Variants in CDK14 observed in about 807,000 individuals in gnomAD.
CDK14 encodes the protein cyclin-dependent kinase 14.
A neutral mutation model predicts 60.7 loss-of-function variants in CDK14; 34 were observed. That is an observed-to-expected ratio of 0.56 (90% CI 0.43 to 0.75). The LOEUF is 0.75. CDK14 is among the 30% of genes least tolerant of loss of function. CDK14 has a pLI of 0.00. For missense variants in CDK14, 482 were observed against 564.1 expected (o/e 0.85, Z 1.47); for synonymous variants, 197 against 203.7 (o/e 0.97, Z 0.28).
chr7:90,653,237 C>T (rs1800682640), intron 2 of CDK14, among the ~76,000 whole-genome samples: 1 of 152,100 alleles, frequency 6.6e-6, no homozygotes, highest in South Asian at 2.1e-4. Flanking sequence ...CTCCTTTGAG[C>T]ACCCAGATTC....
At chr7:91,074,072 G>A (rs991660410) in intron 11 of CDK14, among the ~76,000 whole-genome samples, 2 of 151,962 alleles carry the variant, frequency 1.3e-5, no homozygotes, top group African/African-American at 4.8e-5. Flanking sequence ...TAACACCCCA[G>A]TGTCAATATT....
chr7:90,955,034 C>T (rs1260623874), intron 8 of CDK14, among the ~76,000 whole-genome samples: 1 of 151,470 alleles, frequency 6.6e-6, no homozygotes, highest in African/African-American at 2.4e-5. Flanking sequence ...TTAACATCTT[C>T]CCAGTTTAAA....
intron 11 of CDK14, among the ~76,000 whole-genome samples, chr7:91,046,959 G>T (rs117003416): frequency 6.6e-6 from 1 of 152,134 alleles, no homozygotes; most frequent in Non-Finnish European, 1.5e-5. Context: ...CTGAAAGTGC[G>T]CAGTGTGTTC....
intron 2 of CDK14, among the ~76,000 whole-genome samples, chr7:90,689,456 G>A (rs368741595): frequency 6.6e-6 from 1 of 152,102 alleles, no homozygotes; most frequent in African/African-American, 2.4e-5. Context: ...GAAAATGGAG[G>A]AGAGGGATAA....
intron 2 of CDK14, among the ~76,000 whole-genome samples, chr7:90,636,169 A>G (rs1027131303): frequency 1.3e-5 from 2 of 151,536 alleles, no homozygotes; most frequent in African/African-American, 4.9e-5. Context: ...TTCCAACACT[A>G]TGTTGAATAG....
intron 6 of CDK14, among the ~76,000 whole-genome samples, chr7:90,874,250 ATT>A (rs1791473900): frequency 6.6e-6 from 1 of 151,982 alleles, no homozygotes; most frequent in Non-Finnish European, 1.5e-5. Context: ...GAGGCATTGT[ATT>A]TTTGAAAATA....
intron 13 of CDK14, among the ~76,000 whole-genome samples, chr7:91,115,891 T>C (rs1157108943): frequency 6.6e-6 from 1 of 152,220 alleles, no homozygotes; most frequent in Non-Finnish European, 1.5e-5. Context: ...GGTTACATAG[T>C]ACCAAAATTT....
rs1323560633 is a variant in CDK14, at chr7:91,208,063, G to GTCTT, written c.*928_*931dup. 4 of 152,594 alleles carry GTCTT rather than the reference G, an allele frequency of 2.6e-5. No homozygotes were observed. Among genetic ancestry groups the GTCTT allele is most frequent in the African/African-American group, 9.7e-5 (4 of 41,440 alleles). The allele number at this position is 152,594 out of a possible 1,614,324, so 9.5% of individuals were successfully genotyped here. A position where few individuals can be genotyped will look rare whatever the true frequency, so the allele number is the denominator to read the frequency against. ...ATCTGCTGGATGAGCCTTGAAAGCA[G>GTCTT]TCTTGGCCTGTTAGGGCTTACAAAG... On this transcript the variant is annotated 3_prime_UTR_variant, in exon 15 of 15. Transcript: ENST00000380050.
intron 14 of CDK14, among the ~76,000 whole-genome samples, chr7:91,183,842 A>T (rs919701991): frequency 6.6e-6 from 1 of 152,200 alleles, no homozygotes; most frequent in Non-Finnish European, 1.5e-5. Flanking sequence ...CATTGTCTCT[A>T]TACAAATTTA....
At chr7:91,023,204 A>G (rs12536094) in intron 10 of CDK14, among the ~76,000 whole-genome samples, 10,386 of 152,150 alleles carry the variant, frequency 0.068, 471 homozygotes, top group Middle Eastern at 0.11. Context: ...TCATGTCAAG[A>G]CTTGTCCATT....
rs1258264727 is a variant in CDK14, at chr7:91,207,395, A to G, written c.*259A>G. 1 of 152,514 alleles carries G rather than the reference A, an allele frequency of 6.6e-6. No individual in the cohort carries two copies. Among genetic ancestry groups the G allele is most frequent in the Non-Finnish European group, 1.5e-5 (1 of 68,050 alleles). 9.4% of individuals were successfully genotyped at this position (152,514 alleles called of 1,614,324 possible). The stretch of plus-strand genomic sequence containing the variant: ...TGAAGATTAAGCTTTGCTTACTGAT[A>G]CATGGCATGTATTCTTTTCAGTCTT... On this transcript the variant is annotated 3_prime_UTR_variant, in exon 15 of 15. Transcript: ENST00000380050.
At position 90,649,311 on chromosome 7, in the gene CDK14, TC is replaced by T. The variant is rs1311761078; in HGVS notation, c.123+45064del. 7.2e-3 allele frequency among the ~76,000 whole-genome samples: 257 copies of T among 35,612 alleles called. 25 individuals carry two copies. Among genetic ancestry groups the T allele is most frequent in the African/African-American group, 9.4e-3 (60 of 6,358 alleles). The allele number at this position is 35,612 out of a possible 152,430, so 23.4% of individuals were successfully genotyped here. A position where few individuals can be genotyped will look rare whatever the true frequency, so the allele number is the denominator to read the frequency against. On this transcript the variant is annotated intron_variant, in intron 2 of 14. Transcript: ENST00000380050. ...TTCTTTCTTTCTTTCTTTCTTTCTT[TC>T]CTTCCTTCCTTCCTTCCTTCCTTCC... is the stretch of plus-strand genomic sequence containing the variant.
intron 2 of CDK14, among the ~76,000 whole-genome samples, chr7:90,630,171 T>C (rs1314410617): frequency 6.6e-6 from 1 of 152,310 alleles, no homozygotes; most frequent in East Asian, 1.9e-4. Context: ...TATGTCCAGT[T>C]TTAATACACA....
intron 12 of CDK14, among the ~76,000 whole-genome samples, chr7:91,096,563 T>A (rs987696539): frequency 3.4e-5 from 5 of 149,054 alleles, no homozygotes; most frequent in Non-Finnish European, 1.5e-5. Flanking sequence ...ATTTGTTGTT[T>A]AAAAAAAAAA....
chr7:90,709,805 C>A, intron 2 of CDK14: 1 of 1,426,114 alleles, frequency 7.0e-7, no homozygotes, highest in Non-Finnish European at 9.2e-7. Flanking sequence ...ATCCCCCTCT[C>A]TTGGTTGTAG....
intron 8 of CDK14, among the ~76,000 whole-genome samples, chr7:90,953,345 A>G (rs1794317202): frequency 6.6e-6 from 1 of 152,290 alleles, no homozygotes; most frequent in East Asian, 1.9e-4. Flanking sequence ...TTAGATATTG[A>G]AAGTTATTTT....
chr7:90,826,967 T>TCATC (rs113019549), intron 5 of CDK14, among the ~76,000 whole-genome samples: 3 of 151,842 alleles, frequency 2.0e-5, no homozygotes, highest in Non-Finnish European at 4.4e-5. Context: ...CATGATGTAT[T>TCATC]TACATATCTA....
intron 10 of CDK14, among the ~76,000 whole-genome samples, chr7:90,995,039 G>C (rs528759331): frequency 6.6e-6 from 1 of 152,122 alleles, no homozygotes; most frequent in Non-Finnish European, 1.5e-5. Context: ...TGTGCCCACC[G>C]CCTGGCGTTT....
At chr7:90,970,644 A>C (rs1794897894) in intron 9 of CDK14, among the ~76,000 whole-genome samples, 1 of 152,196 alleles carries the variant, frequency 6.6e-6, no homozygotes, top group Non-Finnish European at 1.5e-5. Context: ...AAAAATCAAA[A>C]CATTGTCTGA....
Sources: gnomAD v4.1 joint callset for allele counts (sites outside exome capture counted in the v4.1 genomes callset) on GRCh38, gnomAD v4.1.1 for gene constraint, MANE v1.5 for transcripts, NCBI Gene and HGNC (gene_info 2026-07-23, HGNC 2026-07-21) for gene names.